Variants in SMPX observed in about 807,000 individuals in gnomAD.
SMPX encodes the protein small muscle protein X-linked.
In SMPX, 2 loss-of-function variants were observed where a neutral mutation model predicts 6.3. That is an observed-to-expected ratio of 0.32 (90% CI 0.13 to 0.99). The LOEUF is 0.99. Among genes scored for constraint, SMPX ranks in the 50% least tolerant of loss-of-function variants. The pLI, the probability that SMPX is intolerant of heterozygous loss-of-function variation, is 0.49. For missense variants in SMPX, 60 were observed against 66.8 expected (o/e 0.90, Z 0.36); for synonymous variants, 32 against 24.7 (o/e 1.30, Z -0.88).
chrX:21,738,217 A>G (rs886272949), intron 3 of SMPX, among the ~76,000 whole-genome samples: 2 of 111,937 alleles, frequency 1.8e-5, no homozygotes, highest in African/African-American at 3.3e-5. Context: ...TAAATTTCCT[A>G]TCATTGAATG....
chrX:21,710,547 A>G (rs1327661508), intron 4 of SMPX, among the ~76,000 whole-genome samples: 2 of 112,175 alleles, frequency 1.8e-5, no homozygotes. Flanking sequence ...CCCAAAAGCT[A>G]TGAAAATAAA....
At chrX:21,717,850 A>G (rs1435992887) in intron 4 of SMPX, among the ~76,000 whole-genome samples, 1 of 112,399 alleles carries the variant, frequency 8.9e-6, no homozygotes, top group East Asian at 2.8e-4. Context: ...CCAGATAATG[A>G]ATACGGGAGG....
Position 21,728,214 on chromosome X carries a change from TTC to T in SMPX, c.*14+9333_*14+9334del, listed in dbSNP as rs61469484. On this transcript the variant is annotated intron_variant, in intron 4 of 4. Transcript: ENST00000379494. ...TTCCCCTCCTCTCCCTTCCCCTCCT[TTC>T]TCTCTCTCTCTCTCTCTCTCTCTCT... Among the ~76,000 whole-genome samples the T allele has an allele frequency of 7.4e-3, 356 of 48,201 alleles. 6 individuals carry two copies. Among genetic ancestry groups the T allele is most frequent in the African/African-American group, 7.6e-3 (104 of 13,613 alleles). 41.9% of individuals were successfully genotyped at this position (48,201 alleles called of 115,157 possible). A position where few individuals can be genotyped will look rare whatever the true frequency, so the allele number is the denominator to read the frequency against.
chrX:21,749,365 T>G (rs932600965), intron 2 of SMPX, among the ~76,000 whole-genome samples: 1 of 112,379 alleles, frequency 8.9e-6, no homozygotes, highest in African/African-American at 3.2e-5. Context: ...CAGTGTAGAC[T>G]ATCAGCTTCT....
chrX:21,731,756 GTGTGTATA>G (rs967633134), intron 4 of SMPX, among the ~76,000 whole-genome samples: 2 of 102,765 alleles, frequency 1.9e-5, no homozygotes, highest in Admixed American at 1.0e-4. Flanking sequence ...GTACACATTT[GTGTGTATA>G]TGTGTATATG....
At position 21,747,026 on chromosome X, in the gene SMPX, C is replaced by G. The variant is rs188670214; in HGVS notation, c.46-3190G>C. Among the ~76,000 whole-genome samples, 18 of 111,766 alleles carry G rather than the reference C, an allele frequency of 1.6e-4. No homozygotes were observed. The East Asian group carries it at 4.7e-3, about 29-fold the overall frequency. On this transcript the variant is annotated intron_variant, in intron 2 of 4. Transcript: ENST00000379494. Reference sequence around the variant, plus strand: ...CACAAATGAAATACTTTCTCAGCGACTAATTTTTCTACCTACAAATTGAGT... The same window carrying G: ...CACAAATGAAATACTTTCTCAGCGAGTAATTTTTCTACCTACAAATTGAGT...
chrX:21,745,844 TG>T (rs1211827317), intron 2 of SMPX, among the ~76,000 whole-genome samples: 7 of 112,011 alleles, frequency 6.2e-5, no homozygotes, highest in Non-Finnish European at 5.6e-5. Flanking sequence ...CAAGTATATA[TG>T]CTCTATGGTA....
intron 4 of SMPX, among the ~76,000 whole-genome samples, chrX:21,725,102 C>T (rs1390047376): frequency 9.0e-6 from 1 of 111,568 alleles, no homozygotes. Context: ...TGACTGCCTA[C>T]CTATTATTGC....
intron 3 of SMPX, among the ~76,000 whole-genome samples, chrX:21,739,845 C>T (rs1022451270): frequency 8.9e-6 from 1 of 112,351 alleles, no homozygotes; most frequent in African/African-American, 3.2e-5. Context: ...GTCACATTTA[C>T]TGACTTTGTA....
intron 4 of SMPX, among the ~76,000 whole-genome samples, chrX:21,713,408 C>G (rs1315684466): frequency 9.0e-6 from 1 of 111,561 alleles, no homozygotes; most frequent in Non-Finnish European, 1.9e-5. Flanking sequence ...TGTTCTCACA[C>G]TGCTAATAAA....
At chrX:21,739,066 A>T (rs1569307881) in intron 3 of SMPX, among the ~76,000 whole-genome samples, 1 of 110,865 alleles carries the variant, frequency 9.0e-6, no homozygotes, top group African/African-American at 3.3e-5. Context: ...GCCTCTCACC[A>T]GAGAGGGTGG....
intron 4 of SMPX, among the ~76,000 whole-genome samples, chrX:21,730,380 TA>T (rs1276821082): frequency 1.8e-5 from 2 of 112,181 alleles, no homozygotes; most frequent in Non-Finnish European, 3.8e-5. Context: ...TGATAAAATG[TA>T]AAGTGGAAAA....
intron 4 of SMPX, among the ~76,000 whole-genome samples, chrX:21,708,371 C>G (rs2092775165): frequency 8.9e-6 from 1 of 112,357 alleles, no homozygotes; most frequent in Non-Finnish European, 1.9e-5. Context: ...AAGTATATAG[C>G]AGAGATCTCT....
At chrX:21,733,196 T>C (rs1421583340) in intron 4 of SMPX, among the ~76,000 whole-genome samples, 1 of 111,612 alleles carries the variant, frequency 9.0e-6, no homozygotes, top group African/African-American at 3.3e-5. Context: ...GAGACTAACT[T>C]GAGATTATGA....
intron 4 of SMPX, among the ~76,000 whole-genome samples, chrX:21,707,239 G>C (rs1273013022): frequency 9.1e-6 from 1 of 110,093 alleles, no homozygotes; most frequent in African/African-American, 3.3e-5. Flanking sequence ...ATGTCCTCCA[G>C]GTTCATCATT....
chrX:21,745,004 G>C (rs2092819950), intron 2 of SMPX, among the ~76,000 whole-genome samples: 1 of 111,282 alleles, frequency 9.0e-6, no homozygotes, highest in South Asian at 3.8e-4. Flanking sequence ...ATGCAACATG[G>C]CAGGTCTGTG....
intron 4 of SMPX, among the ~76,000 whole-genome samples, chrX:21,736,461 G>A (rs922089026): frequency 8.9e-6 from 1 of 112,301 alleles, no homozygotes; most frequent in Admixed American, 9.4e-5. Flanking sequence ...GATAGATGGG[G>A]AAACTCAGTC....
intron 4 of SMPX, among the ~76,000 whole-genome samples, chrX:21,721,899 C>A (rs908088229): frequency 2.1e-4 from 24 of 111,915 alleles, no homozygotes; most frequent in African/African-American, 7.5e-4. Flanking sequence ...CAGTGGCTCA[C>A]ACCTGTCATT....
chrX:21,706,881 G>A (rs1368356559), intron 4 of SMPX, among the ~76,000 whole-genome samples: 4 of 110,260 alleles, frequency 3.6e-5, no homozygotes, highest in Admixed American at 9.8e-5. Flanking sequence ...AAAGAAGGAC[G>A]TGTTTGCTTC....
Sources: gnomAD v4.1 joint callset for allele counts (sites outside exome capture counted in the v4.1 genomes callset) on GRCh38, gnomAD v4.1.1 for gene constraint, MANE v1.5 for transcripts, NCBI Gene and HGNC (gene_info 2026-07-23, HGNC 2026-07-21) for gene names.